The following CAD variants were observed in gnomAD, a reference collection of about 807,000 sequenced individuals.
The protein encoded by CAD is carbamoyl-phosphate synthetase 2, aspartate transcarbamylase, and dihydroorotase, also known as multifunctional protein CAD.
In CAD, 81 loss-of-function variants were observed where a neutral mutation model predicts 237.2. The observed-to-expected ratio is 0.34, with a 90% confidence interval of 0.29 to 0.41. CAD has a LOEUF of 0.41. Ranked by LOEUF, CAD falls within the 10% of genes least tolerant of loss-of-function variation. The pLI is 1.00. For synonymous variants in CAD, 1,196 were observed against 1,162.8 expected (o/e 1.03, Z -0.58); for missense variants, 2,181 against 2,951.7 (o/e 0.74, Z 6.05).
chr2:27,236,106 T>C lies in CAD; in HGVS notation c.4075-178T>C, dbSNP rs1249937228. 6.6e-6 allele frequency among the ~76,000 whole-genome samples: 1 copy of C among 152,180 alleles called. No homozygotes were observed. Among genetic ancestry groups the C allele is most frequent in the Non-Finnish European group, 1.5e-5 (1 of 68,032 alleles). On this transcript the variant is annotated intron_variant, in intron 25 of 43. Coordinates refer to ENST00000264705, the MANE Select transcript of CAD (RefSeq NM_004341.5). The surrounding 1 kb of genome is among the most constrained non-coding windows in gnomAD (Gnocchi z 4.1). ...GGTAACCCATCTTACTTAGTGTAGA[T>C]ATCTTTCCTGCCAAGAAATACACTT...
rs1291689279 is a variant in CAD, at chr2:27,237,402, C to T, written c.4420C>T (p.Leu1474=). 1 of 1,614,070 alleles carries T rather than the reference C, an allele frequency of 6.2e-7. No individual in the cohort carries two copies. Among genetic ancestry groups the T allele is most frequent in the African/African-American group, 1.3e-5 (1 of 74,932 alleles). Residue 1474 remains leucine (L), a synonymous_variant, in exon 28 of 44, where the codon CTG becomes TTG. Transcript: ENST00000264705. This position sits in a 1 kb window ranked among gnomAD's most constrained non-coding sequence, Gnocchi z 4.0. ...LPGLIDVHVH[L]REPGGTHKED... ...AGGATTGATTGATGTCCATGTGCAC[C>T]TGCGGGAACCAGGTGGGACACATAA...
At position 27,223,720 on chromosome 2, in the gene CAD, A is replaced by C; in HGVS notation, c.967A>C (p.Ile323Leu). The C allele has an allele frequency of 1.9e-6, 3 of 1,614,170 alleles. No individual in the cohort carries two copies. Among genetic ancestry groups the C allele is most frequent in the Non-Finnish European group, 2.5e-6 (3 of 1,180,018 alleles). Reference sequence around the variant, plus strand: ...CGCCAATGATGGTTCCAATGAAGGCATTGTGCACAACAGCTTGCCTTTCTT... The same window carrying C: ...CGCCAATGATGGTTCCAATGAAGGCCTTGTGCACAACAGCTTGCCTTTCTT... ...TNANDGSNEG[I>L]VHNSLPFFSV... The change falls in exon 7 of 44, where the codon ATT becomes CTT. Residue 323 changes from isoleucine (I) to leucine (L), a missense_variant. Ile to Leu is a conservative substitution (Grantham distance 5, BLOSUM62 2). Coordinates refer to ENST00000264705, the MANE Select transcript of CAD (RefSeq NM_004341.5).
Position 27,217,426 on chromosome 2 carries a change from C to T in CAD, c.-126C>T, listed in dbSNP as rs944720111. On this transcript the variant is annotated 5_prime_UTR_variant, in exon 1 of 44. Transcript: ENST00000264705. The stretch of plus-strand genomic sequence containing the variant: ...GCTCCTACGCTGCCGCGCCCGGCTT[C>T]TCTCCAGCGCCCCGCGCCGTTAGCC... 1.2e-5 allele frequency: 10 copies of T among 831,008 alleles called. No homozygotes were observed. Among genetic ancestry groups the T allele is most frequent in the Non-Finnish European group, 1.6e-5 (8 of 501,222 alleles). 51.5% of individuals were successfully genotyped at this position (831,008 alleles called of 1,614,324 possible).
At position 27,226,622 on chromosome 2, in the gene CAD, C is replaced by T. The variant is rs745731222; in HGVS notation, c.2129C>T (p.Ala710Val). 1 of 1,614,162 alleles carries T rather than the reference C, an allele frequency of 6.2e-7. No homozygotes were observed. The highest frequency in any genetic ancestry group is 1.1e-5 in the South Asian group (1 of 91,082). Residue 710 changes from alanine to valine, a missense_variant, in exon 14 of 44, where the codon GCA (alanine) becomes GTA (valine). By Grantham distance (64) the Ala-to-Val change is moderately conservative. Around this residue, in one of 12 missense-constraint regions of CAD, gnomAD observed 385 missense variants for 535.1 expected, o/e 0.72. Coordinates refer to ENST00000264705, the MANE Select transcript of CAD (RefSeq NM_004341.5). The stretch of plus-strand genomic sequence containing the variant: ...CTGGCTTATGTGGCAGCCAAGCTAG[C>T]ATTGGGCATCCCTTTGCCTGAGCTC... The part of the protein sequence containing the change: ...YPLAYVAAKL[A>V]LGIPLPELRN...
At position 27,239,974 on chromosome 2, in the gene CAD, C is replaced by T. The variant is rs1676220819; in HGVS notation, c.5496+176C>T. The T allele has an allele frequency of 3.3e-6, 2 of 598,074 alleles. No homozygotes were observed. The highest frequency in any genetic ancestry group is 1.9e-5 in the African/African-American group (1 of 53,652). 37.0% of individuals were successfully genotyped at this position (598,074 alleles called of 1,614,324 possible). A position where few individuals can be genotyped will look rare whatever the true frequency, so the allele number is the denominator to read the frequency against. ...TGCTGGGCCAGGCCAGATGTGGTGG[C>T]TCACACTTGTAATCCCAGCACTTTG... On this transcript the variant is annotated intron_variant, in intron 34 of 43. Coordinates refer to ENST00000264705, the MANE Select transcript of CAD (RefSeq NM_004341.5). This position sits in a 1 kb window ranked among gnomAD's most constrained non-coding sequence, Gnocchi z 4.0.
intron 2 of CAD, among the ~76,000 whole-genome samples, chr2:27,219,666 T>C (rs1675058575): frequency 6.6e-6 from 1 of 152,222 alleles, no homozygotes; most frequent in Non-Finnish European, 1.5e-5. Flanking sequence ...CTTGGCTCAC[T>C]GCAACCTCCG....
Position 27,233,907 on chromosome 2 carries a change from GA to G in CAD, c.3400-99del. On this transcript the variant is annotated intron_variant, in intron 21 of 43. Transcript: ENST00000264705. The surrounding 1 kb of genome is among the most constrained non-coding windows in gnomAD (Gnocchi z 6.3). ...GCAGAATCATAGGCACCAGGGCTGG[GA>G]ACAGTGGGCTATGTGGGGCTCGTTA... 1 of 1,551,804 alleles carries G rather than the reference GA, an allele frequency of 6.4e-7. No homozygotes were observed. The highest frequency in any genetic ancestry group is 8.8e-7 in the Non-Finnish European group (1 of 1,130,088).
At chr2:27,217,801 A>C (rs1226393654) in intron 1 of CAD, 76 bp from the exon 2 acceptor site, 3 of 1,514,626 alleles carry the variant, frequency 2.0e-6, no homozygotes, top group South Asian at 1.3e-5. Context: ...GGCAGCCTCC[A>C]CTGGGGCGTG....
rs368071348 is a variant in CAD, at chr2:27,224,374, C to G, written c.1138C>G (p.Pro380Ala). ...AGAGCGGCTGACTGAGCGCCTCTGT[C>G]CCCCTGGGATTCCCACTCCCGGCTC... Reference protein sequence around the residue: ...VRERLTERLCPPGIPTPGSGL... With the variant: ...VRERLTERLCAPGIPTPGSGL... Residue 380 changes from proline to alanine, a missense_variant, in exon 9 of 44, where the codon CCC (proline) becomes GCC (alanine). Around this residue, in one of 12 missense-constraint regions of CAD, gnomAD observed 129 missense variants for 143.3 expected, o/e 0.90. Coordinates refer to ENST00000264705, the MANE Select transcript of CAD (RefSeq NM_004341.5). 1.3e-5 allele frequency: 21 copies of G among 1,614,198 alleles called. No homozygotes were observed. Among genetic ancestry groups the G allele is most frequent in the Non-Finnish European group, 1.8e-5 (21 of 1,180,034 alleles).
rs1675427654 is a variant in CAD at position 27,225,944 on chromosome 2, G to C, written c.1842+18G>C. Reference sequence around the variant, plus strand: ...GTGTCACGGTGAGTGAATGGGGGAAGGGTGGGCGTCGTGTCAGGCAGGATG... The same window carrying C: ...GTGTCACGGTGAGTGAATGGGGGAACGGTGGGCGTCGTGTCAGGCAGGATG... On this transcript the variant is annotated intron_variant, in intron 12 of 43. Transcript: ENST00000264705. 1 of 1,607,842 alleles carries C rather than the reference G, an allele frequency of 6.2e-7. No individual in the cohort carries two copies. The highest frequency in any genetic ancestry group is 8.5e-7 in the Non-Finnish European group (1 of 1,174,208).
chr2:27,222,371 T>C, intron 4 of CAD, 35 bp downstream of exon 4: 1 of 1,594,482 alleles, frequency 6.3e-7, no homozygotes, highest in Non-Finnish European at 8.6e-7. Context: ...TTGCAAGCTC[T>C]AGCACAGTAG....
chr2:27,228,455 G>A lies in CAD; in HGVS notation c.2287+1493G>A, dbSNP rs567948159. 3.9e-5 allele frequency among the ~76,000 whole-genome samples: 6 copies of A among 152,324 alleles called. No homozygotes were observed. The East Asian group carries it at 1.2e-3, about 29-fold the overall frequency. ...AAAACATCATATCCAGTCCAGGCACGGTGGTTGTAATTAATCCCAGCACTT... is the reference window on the plus strand; with the variant it reads ...AAAACATCATATCCAGTCCAGGCACAGTGGTTGTAATTAATCCCAGCACTT... On this transcript the variant is annotated intron_variant, in intron 15 of 43. Transcript: ENST00000264705.
In CAD at chr2:27,240,948, C is replaced by A. The variant is rs139971049; in HGVS notation, c.5631C>A (p.Ala1877=). Reference sequence around the variant, plus strand: ...AGGAGAAGTCCTCTCGGAAGGTAGCCGAGCCAGGTGAGACTCCACCCTGAC... The same window carrying A: ...AGGAGAAGTCCTCTCGGAAGGTAGCAGAGCCAGGTGAGACTCCACCCTGAC... ...EPKEKSSRKV[A]EPELMGTPDG... Residue 1877 remains alanine (A), a synonymous_variant, in exon 36 of 44, where the codon GCC becomes GCA. Transcript: ENST00000264705. This position sits in a 1 kb window ranked among gnomAD's most constrained non-coding sequence, Gnocchi z 4.6. 2 of 1,614,056 alleles carry A rather than the reference C, an allele frequency of 1.2e-6. No individual in the cohort carries two copies. Among genetic ancestry groups the A allele is most frequent in the South Asian group, 1.1e-5 (1 of 91,062 alleles).
intron 9 of CAD, 75 bp from the exon 10 acceptor site, chr2:27,224,670 G>A (rs1675343315): frequency 1.9e-6 from 3 of 1,579,188 alleles, no homozygotes; most frequent in Non-Finnish European, 2.6e-6. Context: ...GGAAAGAAGA[G>A]GAGAATGCTA....
rs1405401888 is a variant in CAD at position 27,243,773 on chromosome 2, G to A, written c.*255G>A. ...TTTTCTACTGACTTAATAAACAGCC[G>A]AGCTGTCCCTTGATGCTGAGTGTAG... On this transcript the variant is annotated 3_prime_UTR_variant, in exon 44 of 44. Transcript: ENST00000264705. The A allele has an allele frequency of 5.9e-6, 3 of 506,284 alleles. No homozygotes were observed. Among genetic ancestry groups the A allele is most frequent in the South Asian group, 2.9e-5 (1 of 34,816 alleles). The allele number at this position is 506,284 out of a possible 1,614,324, so 31.4% of individuals were successfully genotyped here.
chr2:27,236,857 C>T lies in CAD; in HGVS notation c.4396+27C>T, dbSNP rs1262178654. On this transcript the variant is annotated intron_variant, in intron 27 of 43. Coordinates refer to ENST00000264705, the MANE Select transcript of CAD (RefSeq NM_004341.5). This position sits in a 1 kb window ranked among gnomAD's most constrained non-coding sequence, Gnocchi z 4.1. ...TAAGTCTTTGGGGAGAACTTGGCTTCTGAACACTGGCAGCCCCTGGCATAG... is the reference window on the plus strand; with the variant it reads ...TAAGTCTTTGGGGAGAACTTGGCTTTTGAACACTGGCAGCCCCTGGCATAG... 8 of 1,599,602 alleles carry T rather than the reference C, an allele frequency of 5.0e-6. No homozygotes were observed. The highest frequency in any genetic ancestry group is 2.7e-5 in the African/African-American group (2 of 74,588).
Position 27,243,570 on chromosome 2 carries a change from T to C in CAD, c.*52T>C. On this transcript the variant is annotated 3_prime_UTR_variant, in exon 44 of 44. Coordinates refer to ENST00000264705, the MANE Select transcript of CAD (RefSeq NM_004341.5). ...TTAGGCCCAGCTGCTGGGCAAGGAA[T>C]TCCAGTGCCTCCTACGGGGGCAGCA... The C allele has an allele frequency of 1.5e-6, 2 of 1,365,936 alleles. No individual in the cohort carries two copies. The highest frequency in any genetic ancestry group is 2.0e-6 in the Non-Finnish European group (2 of 978,074). The allele number at this position is 1,365,936 out of a possible 1,614,324, so 84.6% of individuals were successfully genotyped here. A position where few individuals can be genotyped will look rare whatever the true frequency, so the allele number is the denominator to read the frequency against.
rs2148081434 is a variant in CAD, at chr2:27,235,126, G to A, written c.3787-119G>A. On this transcript the variant is annotated intron_variant, in intron 23 of 43. Transcript: ENST00000264705. This position sits in a 1 kb window ranked among gnomAD's most constrained non-coding sequence, Gnocchi z 5.2. The stretch of plus-strand genomic sequence containing the variant: ...TGGAAAGCAGGAGGGCACACAGAGA[G>A]GGCAGGCTGACCCTGCCATTCAGAT... 2.3e-6 allele frequency: 2 copies of A among 886,374 alleles called. No individual in the cohort carries two copies. The highest frequency in any genetic ancestry group is 3.7e-5 in the South Asian group (2 of 54,412). The allele number at this position is 886,374 out of a possible 1,614,324, so 54.9% of individuals were successfully genotyped here.
Position 27,231,506 on chromosome 2 carries a change from T to C in CAD, c.2326T>C (p.Phe776Leu), listed in dbSNP as rs1675755037. Residue 776 changes from phenylalanine to leucine, a missense_variant, in exon 16 of 44, where the codon TTC (phenylalanine) becomes CTC (leucine). By Grantham distance (22) the Phe-to-Leu change is conservative. Coordinates refer to ENST00000264705, the MANE Select transcript of CAD (RefSeq NM_004341.5). ...MGIGRSFEEA[F>L]QKALRMVDEN... ...CATTGGGCGTTCATTTGAGGAGGCC[T>C]TCCAGAAGGCCCTGCGCATGGTGGA... 1.2e-6 allele frequency: 2 copies of C among 1,613,566 alleles called. No individual in the cohort carries two copies. The highest frequency in any genetic ancestry group is 1.3e-5 in the African/African-American group (1 of 75,038).
Sources: gnomAD v4.1 joint callset for allele counts (sites outside exome capture counted in the v4.1 genomes callset) on GRCh38, gnomAD v4.1.1 for gene constraint, gnomAD v4.1.1 regional missense constraint, Gnocchi (gnomAD v3.1) non-coding constraint, MANE v1.5 for transcripts, NCBI Gene and HGNC (gene_info 2026-07-23, HGNC 2026-07-21) for gene names.